ASCC3: variants seen among roughly 807,000 people sequenced by gnomAD.
ASCC3 encodes ASC-1 complex subunit P200.
A neutral mutation model predicts 256.3 loss-of-function variants in ASCC3; 158 were observed. That is an observed-to-expected ratio of 0.62 (90% CI 0.54 to 0.70). The LOEUF is 0.70. Among genes scored for constraint, ASCC3 ranks in the 30% least tolerant of loss-of-function variants. The probability of loss-of-function intolerance (pLI) is 0.00; values close to 1 mark genes in which losing one functional copy is unlikely to be tolerated. For missense variants in ASCC3, 2,259 were observed against 2,626.0 expected (o/e 0.86, Z 3.05); for synonymous variants, 948 against 883.4 (o/e 1.07, Z -1.30).
At chr6:100,700,784 G>T (rs1328536843) in intron 13 of ASCC3, among the ~76,000 whole-genome samples, 3 of 152,224 alleles carry the variant, frequency 2.0e-5, no homozygotes, top group Admixed American at 1.3e-4. Flanking sequence ...CTCCCATTTG[G>T]AATGCTGTAT....
At chr6:100,531,015 G>A (rs1320699264) in intron 37 of ASCC3, 34 of 1,594,544 alleles carry the variant, frequency 2.1e-5, no homozygotes, top group South Asian at 7.7e-5. Context: ...GAATTTGCAC[G>A]CCCTCAAACT....
chr6:100,672,462 A>T lies in ASCC3; in HGVS notation c.2286+7156T>A. Among the ~76,000 whole-genome samples, 2 of 152,052 alleles carry T rather than the reference A, an allele frequency of 1.3e-5. 1 individual carries two copies. Among genetic ancestry groups the T allele is most frequent in the Non-Finnish European group, 2.9e-5 (2 of 67,934 alleles). ...TCCATTCTGCTAATTAAAAGCATTC[A>T]GGCAAGATCTGGATGATGGAAATGA... On this transcript the variant is annotated intron_variant, in intron 14 of 41. Transcript: ENST00000369162.
intron 37 of ASCC3, among the ~76,000 whole-genome samples, chr6:100,521,380 G>A (rs563897559): frequency 4.4e-4 from 67 of 152,212 alleles, no homozygotes; most frequent in African/African-American, 1.5e-3. Flanking sequence ...CATACAATAA[G>A]AAGGGAGGAT....
intron 22 of ASCC3, among the ~76,000 whole-genome samples, chr6:100,645,475 T>C (rs1265065183): frequency 6.6e-6 from 1 of 152,082 alleles, no homozygotes; most frequent in Non-Finnish European, 1.5e-5. Flanking sequence ...GAGCATACTG[T>C]TAAAATTCAT....
intron 11 of ASCC3, among the ~76,000 whole-genome samples, chr6:100,720,927 CATTT>C (rs1346014648): frequency 6.8e-6 from 1 of 147,390 alleles, no homozygotes; most frequent in Non-Finnish European, 1.5e-5. Flanking sequence ...TAGTTTATAA[CATTT>C]ATAGATTTTA....
chr6:100,534,503 G>T (rs1339756598), intron 37 of ASCC3, among the ~76,000 whole-genome samples: 2 of 152,108 alleles, frequency 1.3e-5, no homozygotes, highest in Admixed American at 6.5e-5. Flanking sequence ...AATACATTTT[G>T]CAGTTAATAT....
intron 41 of ASCC3, 92 bp downstream of exon 41, chr6:100,509,840 A>G: frequency 7.8e-7 from 1 of 1,283,344 alleles, no homozygotes. Flanking sequence ...GTGAGCAGAG[A>G]TCGCGCCACT....
intron 22 of ASCC3, among the ~76,000 whole-genome samples, chr6:100,644,616 C>T (rs935570958): frequency 1.4e-4 from 21 of 152,242 alleles, no homozygotes; most frequent in African/African-American, 4.8e-4. Flanking sequence ...CTCTCTGTCT[C>T]GCTCTTCCTT....
intron 36 of ASCC3, among the ~76,000 whole-genome samples, chr6:100,579,859 G>A (rs1191845255): frequency 6.6e-6 from 1 of 152,102 alleles, no homozygotes; most frequent in Admixed American, 6.6e-5. Context: ...CTAATTCTGT[G>A]AAGAATGTCA....
intron 36 of ASCC3, among the ~76,000 whole-genome samples, chr6:100,546,936 A>AT (rs1228046490): frequency 2.0e-5 from 3 of 151,534 alleles, no homozygotes; most frequent in East Asian, 3.9e-4. Context: ...GAAGAAGATA[A>AT]TTTTTTTTTG....
At chr6:100,621,217 C>A (rs1773934894) in intron 30 of ASCC3, among the ~76,000 whole-genome samples, 1 of 152,118 alleles carries the variant, frequency 6.6e-6, no homozygotes, top group Admixed American at 6.6e-5. Context: ...TTATCCTCAG[C>A]AAACTAATGC....
rs942900410 is a variant in ASCC3 at position 100,803,001 on chromosome 6, G to A, written c.923-2497C>T. Among the ~76,000 whole-genome samples, 4 of 151,916 alleles carry A rather than the reference G, an allele frequency of 2.6e-5. No individual in the cohort carries two copies. In the East Asian group the frequency reaches 5.8e-4, roughly 22 times the overall value. On this transcript the variant is annotated intron_variant, in intron 5 of 41. Coordinates refer to ENST00000369162, the MANE Select transcript of ASCC3 (RefSeq NM_006828.4). ...CTAGCCTGAGCAAGAGTGTGAGGGCGTGTCTTAAAAACAAAAGCTAGAATC... is the reference window on the plus strand; with the variant it reads ...CTAGCCTGAGCAAGAGTGTGAGGGCATGTCTTAAAAACAAAAGCTAGAATC...
intron 10 of ASCC3, among the ~76,000 whole-genome samples, chr6:100,743,751 TCAAATATTTATTATA>T (rs1479499437): frequency 6.6e-6 from 1 of 152,214 alleles, no homozygotes; most frequent in Non-Finnish European, 1.5e-5. Flanking sequence ...CATGCATTTA[TCAAATATTTATTATA>T]CACCTACTAG....
chr6:100,824,527 A>C (rs906239669), intron 4 of ASCC3, among the ~76,000 whole-genome samples: 1 of 152,232 alleles, frequency 6.6e-6, no homozygotes, highest in Admixed American at 6.5e-5. Flanking sequence ...CTTTTGGCTA[A>C]GATCAAGAAC....
chr6:100,634,382 A>G (rs1222173798), intron 25 of ASCC3, among the ~76,000 whole-genome samples: 1 of 152,132 alleles, frequency 6.6e-6, no homozygotes, highest in Non-Finnish European at 1.5e-5. Flanking sequence ...TCCTTTAACC[A>G]TCCTCTCCTT....
In ASCC3 at chr6:100,757,442, A is replaced by G. The variant is rs150162740; in HGVS notation, c.1737+9123T>C. Reference sequence around the variant, plus strand: ...TAACCCTGCTCTTACCAAAGTAACAATAAAAATCCAGAGAGACTTAAGACT... The same window carrying G: ...TAACCCTGCTCTTACCAAAGTAACAGTAAAAATCCAGAGAGACTTAAGACT... On this transcript the variant is annotated intron_variant, in intron 10 of 41. Transcript: ENST00000369162. 8.1e-4 allele frequency among the ~76,000 whole-genome samples: 123 copies of G among 151,368 alleles called. 1 individual carries two copies. The East Asian group carries it at 0.019, about 23-fold the overall frequency.
chr6:100,558,058 C>T (rs1463473930), intron 36 of ASCC3, among the ~76,000 whole-genome samples: 2 of 148,300 alleles, frequency 1.3e-5, no homozygotes, highest in East Asian at 3.9e-4. Context: ...ACTTGATAAT[C>T]CCTCACTTCT....
chr6:100,865,054 T>C (rs931306478), intron 2 of ASCC3, among the ~76,000 whole-genome samples: 1 of 152,214 alleles, frequency 6.6e-6, no homozygotes, highest in African/African-American at 2.4e-5. Context: ...TAATTCACCA[T>C]TACTTCCCTG....
chr6:100,707,019 C>G (rs1468185377), intron 13 of ASCC3, among the ~76,000 whole-genome samples: 1 of 152,058 alleles, frequency 6.6e-6, no homozygotes, highest in Non-Finnish European at 1.5e-5. Flanking sequence ...ACTAGTGGAC[C>G]ATAGTCCTGA....
Sources: gnomAD v4.1 joint callset for allele counts (sites outside exome capture counted in the v4.1 genomes callset) on GRCh38, gnomAD v4.1.1 for gene constraint, MANE v1.5 for transcripts, NCBI Gene and HGNC (gene_info 2026-07-23, HGNC 2026-07-21) for gene names.